The following PGA5 variants were observed in gnomAD, a reference collection of about 807,000 sequenced individuals.
PGA5 encodes the protein pepsin A-5.
A neutral mutation model predicts 15.9 loss-of-function variants in PGA5; 19 were observed. The ratio of observed to expected loss-of-function variants is 1.19; its 90% CI spans 0.83 to 1.75. The LOEUF is 1.75. Among genes scored for constraint, PGA5 ranks in the 40% most tolerant of loss-of-function variants. The probability of loss-of-function intolerance (pLI) is 0.00; values close to 1 mark genes in which losing one functional copy is unlikely to be tolerated. For synonymous variants in PGA5, 92 were observed against 95.8 expected, an observed-to-expected ratio of 0.96 and a Z score of 0.23; for missense variants, 224 against 246.4, an observed-to-expected ratio of 0.91 and a Z score of 0.61.
At chr11:61,249,259 T>C in intron 6 of PGA5, 1 of 366,470 alleles carries the variant, frequency 2.7e-6, no homozygotes, top group South Asian at 2.3e-5. Context: ...CCTCCTTCTC[T>C]CTTCACCTGC....
intron 6 of PGA5, 24 bp from the exon 7 acceptor site, chr11:61,249,645 G>A (rs771554899): frequency 6.2e-7 from 1 of 1,613,626 alleles, no homozygotes; most frequent in Non-Finnish European, 8.5e-7. Context: ...GGCTCAGGGA[G>A]CTTAACTTGC....
chr11:61,250,824 G>A (rs1156428828), intron 8 of PGA5: 4 of 621,540 alleles, frequency 6.4e-6, no homozygotes, highest in Non-Finnish European at 1.2e-5. Context: ...TAGTGGCAGG[G>A]TTTTTAAACT....
At chr11:61,248,378 C>T (rs750801876) in intron 5 of PGA5, 41 bp from the exon 6 acceptor site, 23 of 1,613,658 alleles carry the variant, frequency 1.4e-5, no homozygotes, top group South Asian at 7.7e-5. Context: ...CACAAATGGA[C>T]GAACAAAAAA....
intron 5 of PGA5, among the ~76,000 whole-genome samples, chr11:61,247,259 C>G (rs895737595): frequency 1.3e-5 from 2 of 151,238 alleles, no homozygotes; most frequent in African/African-American, 2.4e-5. Flanking sequence ...TTAGAAATGG[C>G]CAGTTCTCGG....
At chr11:61,247,494 G>A (rs1030600516) in intron 5 of PGA5, among the ~76,000 whole-genome samples, 1 of 151,868 alleles carries the variant, frequency 6.6e-6, no homozygotes, top group African/African-American at 2.4e-5. Flanking sequence ...AGCCAGGATG[G>A]TCTCCATCTC....
chr11:61,248,801 C>T (rs1010176855), intron 6 of PGA5, among the ~76,000 whole-genome samples: 4 of 152,086 alleles, frequency 2.6e-5, no homozygotes, highest in Non-Finnish European at 4.4e-5. Flanking sequence ...GCAGGACCAT[C>T]CACCAGCATC....
At chr11:61,246,861 G>T (rs1367968127) in intron 5 of PGA5, among the ~76,000 whole-genome samples, 2 of 151,870 alleles carry the variant, frequency 1.3e-5, no homozygotes, top group African/African-American at 4.9e-5. Flanking sequence ...ATTTGATCAA[G>T]ATGTATCATG....
rs537971568 is a variant in PGA5 at position 61,250,790 on chromosome 11, A to C, written c.1018-342A>C. On this transcript the variant is annotated intron_variant, in intron 8 of 8. Transcript: ENST00000312403. Reference sequence around the variant, plus strand: ...TCATCTGGTTTGTCCCTGATGAGATAAGAATAATAATGAGAAAAGGATGTA... The same window carrying C: ...TCATCTGGTTTGTCCCTGATGAGATCAGAATAATAATGAGAAAAGGATGTA... The C allele has an allele frequency of 4.9e-4, 260 of 526,852 alleles. 1 individual carries two copies. The highest frequency in any genetic ancestry group is 1.5e-3 in the African/African-American group (79 of 52,440). 32.6% of individuals were successfully genotyped at this position (526,852 alleles called of 1,614,324 possible). A position where few individuals can be genotyped will look rare whatever the true frequency, so the allele number is the denominator to read the frequency against.
intron 6 of PGA5, 173 bp from the exon 7 acceptor site, chr11:61,249,496 T>C (rs1854108588): frequency 7.8e-7 from 1 of 1,275,164 alleles, no homozygotes; most frequent in South Asian, 1.4e-5. Context: ...TTGGGAAATA[T>C]TTGTAGGGTA....
At chr11:61,249,473 A>T (rs1854108245) in intron 6 of PGA5, 196 bp from the exon 7 acceptor site, 4 of 1,094,030 alleles carry the variant, frequency 3.7e-6, no homozygotes, top group Non-Finnish European at 5.2e-6. Context: ...CATGCCTGGC[A>T]GAGGGTAGGC....
At position 61,249,992 on chromosome 11, in the gene PGA5, C is replaced by T. The variant is rs769414787; in HGVS notation, c.995C>T (p.Pro332Leu). ...FTINGVQYPV[P>L]PSAYILQSEG... ...ATCAATGGAGTCCAGTACCCCGTGC[C>T]ACCCAGTGCCTACATCCTGCAGGTG... The change falls in exon 8 of 9, where the codon CCA (proline) becomes CTA (leucine). Residue 332 changes from proline (P) to leucine (L), a missense_variant. Transcript: ENST00000312403. The T allele has an allele frequency of 6.2e-7, 1 of 1,611,034 alleles. No homozygotes were observed. The highest frequency in any genetic ancestry group is 8.5e-7 in the Non-Finnish European group (1 of 1,178,960).
At chr11:61,247,598 G>T (rs1266924078) in intron 5 of PGA5, among the ~76,000 whole-genome samples, 1 of 151,958 alleles carries the variant, frequency 6.6e-6, no homozygotes, top group Non-Finnish European at 1.5e-5. Flanking sequence ...ATTTCTTATT[G>T]CCGTCTACAT....
At chr11:61,248,964 C>T (rs1195110345) in intron 6 of PGA5, among the ~76,000 whole-genome samples, 1 of 152,104 alleles carries the variant, frequency 6.6e-6, no homozygotes. Context: ...TCACTTCATT[C>T]CACCCTCCCC....
At chr11:61,248,296 G>A (rs772878616) in intron 5 of PGA5, 123 bp from the exon 6 acceptor site, 33 of 1,609,674 alleles carry the variant, frequency 2.1e-5, no homozygotes, top group Middle Eastern at 3.3e-4. Flanking sequence ...AAACCACATT[G>A]GTCACACCCC....
rs765312702 is a variant in PGA5, at chr11:61,249,711, C to A, written c.816C>A (p.Cys272Ter). Residue 272 changes from cysteine (C) to a stop codon, truncating the protein, a stop_gained, in exon 7 of 9, where the codon TGC becomes TGA. Coordinates refer to ENST00000312403, the MANE Select transcript of PGA5 (RefSeq NM_014224.5). LOFTEE classifies it high-confidence loss of function. ...NGETIACAEG[C>*]QAIVDTGTSL... is the part of the protein sequence containing the mutation. ...AGACCATCGCCTGTGCTGAGGGCTG[C>A]CAGGCCATTGTTGACACCGGCACCT... The A allele has an allele frequency of 6.2e-7, 1 of 1,613,526 alleles. No individual in the cohort carries two copies. Among genetic ancestry groups the A allele is most frequent in the South Asian group, 1.1e-5 (1 of 91,058 alleles).
intron 5 of PGA5, among the ~76,000 whole-genome samples, chr11:61,247,295 T>TG (rs1854078412): frequency 6.6e-6 from 1 of 151,670 alleles, no homozygotes; most frequent in African/African-American, 2.4e-5. Flanking sequence ...TTTTTTTTTT[T>TG]TGTGATGGGG....
chr11:61,249,584 G>C (rs142028759), intron 6 of PGA5, 85 bp from the exon 7 acceptor site: 4 of 1,608,862 alleles, frequency 2.5e-6, no homozygotes, highest in African/African-American at 2.7e-5. Flanking sequence ...GGTGGGGAAG[G>C]AATGTCTGGG....
In PGA5 at chr11:61,249,560, T is replaced by C. The variant is rs559706788; in HGVS notation, c.774-109T>C. On this transcript the variant is annotated intron_variant, in intron 6 of 8. Coordinates refer to ENST00000312403, the MANE Select transcript of PGA5 (RefSeq NM_014224.5). ...ACGAGAGGAACAGAAATTTCACGCA[T>C]TGGCCAATGGATGGGTGGGGAAGGA... 6 of 1,586,262 alleles carry C rather than the reference T, an allele frequency of 3.8e-6. No homozygotes were observed. In the South Asian group the frequency reaches 6.7e-5, roughly 18 times the overall value.
Position 61,248,419 on chromosome 11 carries a change from C to G in PGA5, c.657C>G (p.Ala219=). The G allele has an allele frequency of 1.2e-6, 2 of 1,613,850 alleles. No homozygotes were observed. Among genetic ancestry groups the G allele is most frequent in the Non-Finnish European group, 1.7e-6 (2 of 1,179,874 alleles). Residue 219 remains alanine, a splice_region_variant and synonymous_variant, in exon 6 of 9, where the codon GCC becomes GCG. Coordinates refer to ENST00000312403, the MANE Select transcript of PGA5 (RefSeq NM_014224.5). ...SQDLFSVYLS[A]DDKSGSVVIF... ...TGTCTTCTCCCCTCACTTTCCACAG[C>G]GATGACAAGAGTGGCAGCGTGGTGA...
Sources: gnomAD v4.1 joint callset for allele counts (sites outside exome capture counted in the v4.1 genomes callset) on GRCh38, gnomAD v4.1.1 for gene constraint, MANE v1.5 for transcripts, NCBI Gene and HGNC (gene_info 2026-07-23, HGNC 2026-07-21) for gene names.